CPNE3: variants seen among roughly 807,000 people sequenced by gnomAD.
CPNE3 encodes the protein copine-3.
CPNE3 carries 68 observed loss-of-function variants against 63.9 expected under a neutral mutation model. That is an observed-to-expected ratio of 1.06 (90% CI 0.87 to 1.30). CPNE3 has a LOEUF of 1.30. Among genes scored for constraint, CPNE3 ranks in the 50% most tolerant of loss-of-function variants. The probability of loss-of-function intolerance (pLI) is 0.00; values close to 1 mark genes in which losing one functional copy is unlikely to be tolerated. For missense variants in CPNE3, 665 were observed against 578.1 expected (o/e 1.15, Z -1.54); for synonymous variants, 219 against 197.5 (o/e 1.11, Z -0.91).
At chr8:86,520,193 A>G (rs1264505558) in intron 2 of CPNE3, among the ~76,000 whole-genome samples, 1 of 152,232 alleles carries the variant, frequency 6.6e-6, no homozygotes, top group Non-Finnish European at 1.5e-5. Context: ...GTTATAGTAC[A>G]TTAATGGAAA....
chr8:86,549,130 A>C (rs1208232578), intron 12 of CPNE3, among the ~76,000 whole-genome samples: 1 of 152,046 alleles, frequency 6.6e-6, no homozygotes, highest in Admixed American at 6.5e-5. Flanking sequence ...ATAAAATTTC[A>C]CTTGCTTTTG....
In CPNE3 at chr8:86,528,131, G is replaced by T. The variant is rs1405888483; in HGVS notation, c.-10-405G>T. ...GCTTGGCTAATTTTTTTTATTTTTA[G>T]TAGAGACGAGGTCTTGCTGTCTTGC... is the stretch of plus-strand genomic sequence containing the variant. On this transcript the variant is annotated intron_variant, in intron 2 of 16. Transcript: ENST00000517490. Among the ~76,000 whole-genome samples, 8 of 151,440 alleles carry T rather than the reference G, an allele frequency of 5.3e-5. No individual in the cohort carries two copies. In the East Asian group the frequency reaches 1.6e-3, roughly 29 times the overall value.
At chr8:86,539,324 G>T (rs1236086647) in intron 7 of CPNE3, among the ~76,000 whole-genome samples, 1 of 152,090 alleles carries the variant, frequency 6.6e-6, no homozygotes, top group Non-Finnish European at 1.5e-5. Flanking sequence ...CCCAGAGCTG[G>T]TATGAGCCAT....
At chr8:86,552,408 T>C (rs530460675) in intron 14 of CPNE3, among the ~76,000 whole-genome samples, 36 of 152,336 alleles carry the variant, frequency 2.4e-4, no homozygotes, top group Non-Finnish European at 3.7e-4. Flanking sequence ...GTTATTCTTT[T>C]TAAGAAATAT....
intron 2 of CPNE3, among the ~76,000 whole-genome samples, chr8:86,525,408 A>G (rs966219605): frequency 2.0e-5 from 3 of 152,222 alleles, no homozygotes; most frequent in Non-Finnish European, 4.4e-5. Context: ...CATTAACAAG[A>G]TTCCAGACCC....
At position 86,546,165 on chromosome 8, in the gene CPNE3, AT is replaced by A. The variant is rs946502106; in HGVS notation, c.733-421del. Among the ~76,000 whole-genome samples the A allele has an allele frequency of 5.3e-5, 8 of 150,948 alleles. No individual in the cohort carries two copies. In the East Asian group the frequency reaches 7.8e-4, roughly 15 times the overall value. On this transcript the variant is annotated intron_variant, in intron 9 of 16. Transcript: ENST00000517490. ...CTTCATATATTTGTTTTATGATGTT[AT>A]TTTTTTTTCTTTTCTTTGCAGCATA...
intron 9 of CPNE3, 33 bp downstream of exon 9, chr8:86,544,871 A>G: frequency 7.7e-7 from 1 of 1,304,122 alleles, no homozygotes. Context: ...CATATACTTT[A>G]TAGTTTGGCT....
Position 86,540,280 on chromosome 8 carries a change from T to C in CPNE3, c.579T>C (p.Pro193=). Residue 193 remains proline, a synonymous_variant, in exon 8 of 17, where the codon CCT becomes CCC. Coordinates refer to ENST00000517490, the MANE Select transcript of CPNE3 (RefSeq NM_003909.5). ...VKNNLNPVWR[P]FKISLNSLCY... ...ACAACTTGAATCCTGTTTGGAGGCC[T>C]TTCAAGATCTCTCTTAACTCACTGT... 6.2e-7 allele frequency: 1 copy of C among 1,609,328 alleles called. No individual in the cohort carries two copies. The highest frequency in any genetic ancestry group is 8.5e-7 in the Non-Finnish European group (1 of 1,177,796).
chr8:86,549,885 C>G (rs1821134470), intron 12 of CPNE3, among the ~76,000 whole-genome samples: 1 of 152,194 alleles, frequency 6.6e-6, no homozygotes, highest in Non-Finnish European at 1.5e-5. Context: ...ACATCTCCAT[C>G]TCTAGATCCC....
At position 86,530,170 on chromosome 8, in the gene CPNE3, CTT is replaced by C. The variant is rs71275863; in HGVS notation, c.313-969_313-968del. On this transcript the variant is annotated intron_variant, in intron 4 of 16. Coordinates refer to ENST00000517490, the MANE Select transcript of CPNE3 (RefSeq NM_003909.5). The stretch of plus-strand genomic sequence containing the variant: ...TGTGTCTCAGTAGAAAAATTGAATC[CTT>C]TTTTTTTTTTTTTTTGAGACAGGGT... 7.5e-3 allele frequency among the ~76,000 whole-genome samples: 915 copies of C among 122,592 alleles called. 4 individuals are homozygous for C. Among genetic ancestry groups the C allele is most frequent in the African/African-American group, 0.019 (589 of 31,670 alleles). 80.4% of individuals were successfully genotyped at this position (122,592 alleles called of 152,430 possible). A position where few individuals can be genotyped will look rare whatever the true frequency, so the allele number is the denominator to read the frequency against.
Position 86,548,375 on chromosome 8 carries a change from C to T in CPNE3, c.954C>T (p.Gly318=), listed in dbSNP as rs747682400. The T allele has an allele frequency of 8.1e-6, 13 of 1,614,092 alleles. No homozygotes were observed. The highest frequency in any genetic ancestry group is 2.2e-5 in the East Asian group (1 of 44,872). ...CCCTTCATTACATCAGCCCCAATGGCGTTAATGAGTATTTGACTGCTCTCT... is the reference window on the plus strand; with the variant it reads ...CCCTTCATTACATCAGCCCCAATGGTGTTAATGAGTATTTGACTGCTCTCT... ...PDSLHYISPN[G]VNEYLTALWS... The change falls in exon 12 of 17, where the codon GGC becomes GGT. Residue 318 remains glycine, a synonymous_variant. Transcript: ENST00000517490.
rs903836431 is a variant in CPNE3, at chr8:86,560,173, G to A, written c.*1763G>A. On this transcript the variant is annotated 3_prime_UTR_variant, in exon 17 of 17. Coordinates refer to ENST00000517490, the MANE Select transcript of CPNE3 (RefSeq NM_003909.5). ...ACACATCATTTTGACATTATCAATA[G>A]GAGAAAAGAAAACTAACCCTTCTTC... is the stretch of plus-strand genomic sequence containing the variant. 1 of 152,170 alleles carries A rather than the reference G, an allele frequency of 6.6e-6. No individual in the cohort carries two copies. The highest frequency in any genetic ancestry group is 1.5e-5 in the Non-Finnish European group (1 of 68,044). The allele number at this position is 152,170 out of a possible 1,614,324, so 9.4% of individuals were successfully genotyped here.
rs186529709 is a variant in CPNE3 at position 86,540,205 on chromosome 8, G to A, written c.544-40G>A. ...GCAGGAGCAAAATGTTAATGAACTG[G>A]AAGTTTTTCTAACAGCTTTTTGAAA... On this transcript the variant is annotated intron_variant, in intron 7 of 16. Coordinates refer to ENST00000517490, the MANE Select transcript of CPNE3 (RefSeq NM_003909.5). 8.9e-4 allele frequency: 1,113 copies of A among 1,251,428 alleles called. 6 individuals are homozygous for A. In the African/African-American group the frequency reaches 0.015, roughly 17 times the overall value. The allele number at this position is 1,251,428 out of a possible 1,614,324, so 77.5% of individuals were successfully genotyped here.
chr8:86,523,217 T>A (rs1489032936), intron 2 of CPNE3, among the ~76,000 whole-genome samples: 1 of 152,216 alleles, frequency 6.6e-6, no homozygotes, highest in East Asian at 1.9e-4. Flanking sequence ...CTTATTTACA[T>A]TGAAGGACTA....
intron 6 of CPNE3, among the ~76,000 whole-genome samples, chr8:86,536,762 GA>G (rs765383150): frequency 2.0e-5 from 3 of 152,088 alleles, no homozygotes; most frequent in Non-Finnish European, 4.4e-5. Flanking sequence ...ACATGAAAAT[GA>G]GAAAAAATCA....
At chr8:86,544,393 G>T (rs982227477) in intron 8 of CPNE3, among the ~76,000 whole-genome samples, 3 of 152,100 alleles carry the variant, frequency 2.0e-5, no homozygotes, top group African/African-American at 7.2e-5. Flanking sequence ...GCAAAGAAGT[G>T]GATGAGAAAG....
At chr8:86,540,161 T>C (rs1820901492) in intron 7 of CPNE3, 84 bp from the exon 8 acceptor site, 4 of 804,060 alleles carry the variant, frequency 5.0e-6, no homozygotes, top group South Asian at 1.4e-5. Flanking sequence ...GGTGAGAGTA[T>C]AGCAAGAACC....
chr8:86,520,834 G>C (rs1277872481), intron 2 of CPNE3, among the ~76,000 whole-genome samples: 1 of 151,802 alleles, frequency 6.6e-6, no homozygotes, highest in African/African-American at 2.4e-5. Flanking sequence ...TGTGTTTTTA[G>C]TAGACACAGG....
intron 10 of CPNE3, 71 bp from the exon 11 acceptor site, chr8:86,547,640 T>A (rs1821082294): frequency 6.8e-6 from 5 of 738,954 alleles, no homozygotes; most frequent in Non-Finnish European, 9.5e-6. Flanking sequence ...TTTAAAAATA[T>A]ATGCCAAAGA....
Sources: gnomAD v4.1 joint callset for allele counts (sites outside exome capture counted in the v4.1 genomes callset) on GRCh38, gnomAD v4.1.1 for gene constraint, MANE v1.5 for transcripts, NCBI Gene and HGNC (gene_info 2026-07-23, HGNC 2026-07-21) for gene names.